The following SFRP4 variants were observed in gnomAD, a reference collection of about 807,000 sequenced individuals.
SFRP4 encodes secreted frizzled-related protein 4.
A neutral mutation model predicts 36.3 loss-of-function variants in SFRP4; 25 were observed. That is an observed-to-expected ratio of 0.69 (90% confidence interval 0.50 to 0.96). SFRP4 has a LOEUF of 0.96. SFRP4 is among the 40% of genes least tolerant of loss of function. SFRP4 has a pLI of 0.00. For synonymous variants in SFRP4, 182 were observed against 168.8 expected (o/e 1.08, Z -0.60); for missense variants, 487 against 459.6 (o/e 1.06, Z -0.54).
rs1328822699 is a variant in SFRP4, at chr7:37,906,100, C to A, written c.*1379G>T. ...AAACTTATCTCAATAAAGGGCCAAG[C>A]AAAGGAGGCAGGTTATGAAACACAT... On this transcript the variant is annotated 3_prime_UTR_variant, in exon 6 of 6. Coordinates refer to ENST00000436072, the MANE Select transcript of SFRP4 (RefSeq NM_003014.4). 1.3e-5 allele frequency: 2 copies of A among 152,178 alleles called. No homozygotes were observed. Among genetic ancestry groups the A allele is most frequent in the South Asian group, 2.1e-4 (1 of 4,824 alleles). 9.4% of individuals were successfully genotyped at this position (152,178 alleles called of 1,614,324 possible).
At chr7:37,912,796 C>G (rs1281743910) in intron 3 of SFRP4, among the ~76,000 whole-genome samples, 2 of 152,180 alleles carry the variant, frequency 1.3e-5, no homozygotes. Flanking sequence ...CTACTGTTCT[C>G]AATCTTTTAA....
Position 37,909,642 on chromosome 7 carries a change from C to T in SFRP4, c.830G>A (p.Arg277Lys), listed in dbSNP as rs1384823755. The T allele has an allele frequency of 6.3e-7, 1 of 1,582,406 alleles. No individual in the cohort carries two copies. Among genetic ancestry groups the T allele is most frequent in the Non-Finnish European group, 8.6e-7 (1 of 1,163,242 alleles). Residue 277 changes from arginine (R) to lysine (K), a missense_variant, in exon 5 of 6, where the codon AGA becomes AAA. By Grantham distance (26) the Arg-to-Lys change is conservative. Transcript: ENST00000436072. ...TATGGATCTTTTACTAAGCTGATCT[C>T]TCCATTTTTCAACTAAGCAATTTTC... ...LLENCLVEKW[R>K]DQLSKRSIQW...
At chr7:37,915,269 G>C (rs146087300) in intron 1 of SFRP4, among the ~76,000 whole-genome samples, 195 of 152,248 alleles carry the variant, frequency 1.3e-3, no homozygotes, top group South Asian at 2.9e-3. Flanking sequence ...CTCTAAATTA[G>C]AGAGGAGTTT....
At chr7:37,915,993 A>C (rs1314883205) in intron 1 of SFRP4, 100 bp downstream of exon 1, 8 of 1,497,398 alleles carry the variant, frequency 5.3e-6, no homozygotes, top group Non-Finnish European at 6.2e-6. Context: ...TACAAGCCTC[A>C]GACGCCCCTG....
rs750181342 is a variant in SFRP4 at position 37,914,275 on chromosome 7, C to A, written c.530G>T (p.Arg177Leu). Residue 177 changes from arginine (R) to leucine (L), a missense_variant, in exon 3 of 6, where the codon CGG becomes CTG. Arg to Leu is a moderately radical substitution (Grantham distance 102). Transcript: ENST00000436072. ...DVDCKRLSPD[R>L]CKCKKVKPTL... Reference sequence around the variant, plus strand: ...TGGCTTCACCTTTTTACACTTGCACCGATCTAAAAAAGGCAGAAGAGGCAG... The same window carrying A: ...TGGCTTCACCTTTTTACACTTGCACAGATCTAAAAAAGGCAGAAGAGGCAG... The A allele has an allele frequency of 6.2e-7, 1 of 1,613,972 alleles. No homozygotes were observed. Among genetic ancestry groups the A allele is most frequent in the Non-Finnish European group, 8.5e-7 (1 of 1,179,938 alleles).
chr7:37,916,052 G>C lies in SFRP4; in HGVS notation c.445+41C>G, dbSNP rs1045541069. On this transcript the variant is annotated intron_variant, in intron 1 of 5. Transcript: ENST00000436072. This position sits in a 1 kb window ranked among gnomAD's most constrained non-coding sequence, Gnocchi z 4.1. ...GTTCTCGATTGGCAGCCACAGCCCC[G>C]GGCGCCTCCTCGCCTCCCTCCATCC... 1.9e-6 allele frequency: 3 copies of C among 1,576,090 alleles called. No individual in the cohort carries two copies. In the Admixed American group the frequency reaches 5.2e-5, roughly 27 times the overall value.
At position 37,906,240 on chromosome 7, in the gene SFRP4, G is replaced by C. The variant is rs1785393979; in HGVS notation, c.*1239C>G. On this transcript the variant is annotated 3_prime_UTR_variant, in exon 6 of 6. Transcript: ENST00000436072. ...GATTACCTCTGTGTAGTGGAGAGTA[G>C]GATTAGATAGGATTTTATTTCCTTT... 1 of 152,136 alleles carries C rather than the reference G, an allele frequency of 6.6e-6. No homozygotes were observed. The highest frequency in any genetic ancestry group is 6.5e-5 in the Admixed American group (1 of 15,276). The allele number at this position is 152,136 out of a possible 1,614,324, so 9.4% of individuals were successfully genotyped here. A position where few individuals can be genotyped will look rare whatever the true frequency, so the allele number is the denominator to read the frequency against.
intron 3 of SFRP4, 73 bp downstream of exon 3, chr7:37,914,140 A>C (rs1384156984): frequency 8.5e-7 from 1 of 1,170,248 alleles, no homozygotes; most frequent in African/African-American, 1.5e-5. Context: ...CTTTAGTGAG[A>C]GCGACCTTAT....
At chr7:37,912,464 C>A in intron 3 of SFRP4, 147 bp from the exon 4 acceptor site, 1 of 635,652 alleles carries the variant, frequency 1.6e-6, no homozygotes, top group South Asian at 1.9e-5. Flanking sequence ...AGGCAAACAG[C>A]CCACACAGTC....
rs1162059866 is a variant in SFRP4 at position 37,916,068 on chromosome 7, C to T, written c.445+25G>A. The stretch of plus-strand genomic sequence containing the variant: ...CACAGCCCCGGGCGCCTCCTCGCCT[C>T]CCTCCATCCTTCCTACGGCCTCACC... On this transcript the variant is annotated intron_variant, in intron 1 of 5. Coordinates refer to ENST00000436072, the MANE Select transcript of SFRP4 (RefSeq NM_003014.4). This position sits in a 1 kb window ranked among gnomAD's most constrained non-coding sequence, Gnocchi z 4.1. The T allele has an allele frequency of 6.3e-7, 1 of 1,596,138 alleles. No homozygotes were observed. The highest frequency in any genetic ancestry group is 1.3e-5 in the African/African-American group (1 of 74,744).
intron 5 of SFRP4, among the ~76,000 whole-genome samples, chr7:37,909,027 A>G (rs960550537): frequency 6.6e-6 from 1 of 152,152 alleles, no homozygotes; most frequent in Admixed American, 6.6e-5. Context: ...AAAACCAATT[A>G]CCTGGTGTCT....
chr7:37,908,811 C>A (rs941316583), intron 5 of SFRP4, among the ~76,000 whole-genome samples: 3 of 152,194 alleles, frequency 2.0e-5, no homozygotes, highest in Admixed American at 6.5e-5. Flanking sequence ...TTCTCTTATT[C>A]AGAAACGCAC....
Position 37,916,769 on chromosome 7 carries a change from A to G in SFRP4, c.-232T>C. On this transcript the variant is annotated 5_prime_UTR_variant, in exon 1 of 6. Transcript: ENST00000436072. This position sits in a 1 kb window ranked among gnomAD's most constrained non-coding sequence, Gnocchi z 4.1. Reference sequence around the variant, plus strand: ...CCAGCTCTCAGCCTTCGGGGCGCGAACCCGCCCGGGCAGCTCCAGTCCCGG... The same window carrying G: ...CCAGCTCTCAGCCTTCGGGGCGCGAGCCCGCCCGGGCAGCTCCAGTCCCGG... 4 of 634,098 alleles carry G rather than the reference A, an allele frequency of 6.3e-6. No individual in the cohort carries two copies. Among genetic ancestry groups the G allele is most frequent in the Non-Finnish European group, 1.1e-5 (4 of 371,744 alleles). 39.3% of individuals were successfully genotyped at this position (634,098 alleles called of 1,614,324 possible). A position where few individuals can be genotyped will look rare whatever the true frequency, so the allele number is the denominator to read the frequency against.
chr7:37,909,714 A>G (rs1358028847), intron 4 of SFRP4, 34 bp from the exon 5 acceptor site: 3 of 1,270,490 alleles, frequency 2.4e-6, no homozygotes, highest in South Asian at 2.6e-5. Context: ...ACAGATTTTT[A>G]TTACAAAAGT....
At chr7:37,912,095 T>G in intron 4 of SFRP4, 24 bp downstream of exon 4, 1 of 1,581,492 alleles carries the variant, frequency 6.3e-7, no homozygotes, top group Non-Finnish European at 8.7e-7. Context: ...GTGCATACAG[T>G]TCCTTCTGCC....
chr7:37,916,221 T>C lies in SFRP4; in HGVS notation c.317A>G (p.Asp106Gly), dbSNP rs773860267. The C allele has an allele frequency of 6.2e-7, 1 of 1,614,152 alleles. No homozygotes were observed. Among genetic ancestry groups the C allele is most frequent in the Non-Finnish European group, 8.5e-7 (1 of 1,180,026 alleles). Residue 106 changes from aspartate (D) to glycine (G), a missense_variant, in exon 1 of 6, where the codon GAC becomes GGC. Physicochemically the swap from Asp to Gly is moderately conservative, Grantham distance 94. Transcript: ENST00000436072. The surrounding 1 kb of genome is among the most constrained non-coding windows in gnomAD (Gnocchi z 4.1). The stretch of plus-strand genomic sequence containing the variant: ...CATCTTCATGAGGGGCTCGCAGTCG[T>C]CGCGCGCGCGTTGGCACACCGACTT... ...PCKSVCQRARDDCEPLMKMYN... is the reference protein window; with the variant it reads ...PCKSVCQRARGDCEPLMKMYN...
rs1583652430 is a variant in SFRP4 at position 37,906,714 on chromosome 7, T to A, written c.*765A>T. 2 of 152,180 alleles carry A rather than the reference T, an allele frequency of 1.3e-5. No individual in the cohort carries two copies. Among genetic ancestry groups the A allele is most frequent in the East Asian group, 3.8e-4 (2 of 5,200 alleles). 9.4% of individuals were successfully genotyped at this position (152,180 alleles called of 1,614,324 possible). On this transcript the variant is annotated 3_prime_UTR_variant, in exon 6 of 6. Coordinates refer to ENST00000436072, the MANE Select transcript of SFRP4 (RefSeq NM_003014.4). ...CCTAATGGTACAGACAAACTCACTG[T>A]TTCTGGTGCTGCTTAAGAGGGTGTT...
chr7:37,909,399 C>T (rs1353809631), intron 5 of SFRP4, among the ~76,000 whole-genome samples: 1 of 152,136 alleles, frequency 6.6e-6, no homozygotes, highest in Non-Finnish European at 1.5e-5. Flanking sequence ...GTATTGAACA[C>T]AACTAAATCA....
rs200668057 is a variant in SFRP4 at position 37,912,334 on chromosome 7, G to C, written c.593-17C>G. The C allele has an allele frequency of 3.7e-6, 6 of 1,606,136 alleles. No homozygotes were observed. In the Admixed American group the frequency reaches 1.0e-4, roughly 27 times the overall value. ...CATGAATAACTGCAATTTAAAAATAGATAAAAGTGTTGTTGAAGGTTTTGG... is the reference window on the plus strand; with the variant it reads ...CATGAATAACTGCAATTTAAAAATACATAAAAGTGTTGTTGAAGGTTTTGG... On this transcript the variant is annotated splice_polypyrimidine_tract_variant and intron_variant, in intron 3 of 5. Coordinates refer to ENST00000436072, the MANE Select transcript of SFRP4 (RefSeq NM_003014.4).
Sources: gnomAD v4.1 joint callset for allele counts (sites outside exome capture counted in the v4.1 genomes callset) on GRCh38, gnomAD v4.1.1 for gene constraint, Gnocchi (gnomAD v3.1) non-coding constraint, MANE v1.5 for transcripts, NCBI Gene and HGNC (gene_info 2026-07-23, HGNC 2026-07-21) for gene names.